The following SYCP2L variants were observed in gnomAD, a reference collection of about 807,000 sequenced individuals.
SYCP2L encodes the protein synaptonemal complex protein 2 like, also known as synaptonemal complex protein 2-like.
In SYCP2L, 98 loss-of-function variants were observed where a neutral mutation model predicts 125.8. The observed-to-expected ratio is 0.78, with a 90% CI of 0.66 to 0.92. SYCP2L has a LOEUF of 0.92. Among genes scored for constraint, SYCP2L ranks in the 40% least tolerant of loss-of-function variants. The pLI is 0.00. For missense variants in SYCP2L, 842 were observed against 936.4 expected (o/e 0.90, Z 1.32); for synonymous variants, 317 against 325.4 (o/e 0.97, Z 0.28).
chr6:10,920,557 G>A (rs1173658210), intron 14 of SYCP2L, among the ~76,000 whole-genome samples: 1 of 152,182 alleles, frequency 6.6e-6, no homozygotes, highest in Non-Finnish European at 1.5e-5. Context: ...AGATGAGCTT[G>A]CAGCACAGAG....
intron 6 of SYCP2L, among the ~76,000 whole-genome samples, chr6:10,899,122 A>G (rs1259376424): frequency 6.6e-6 from 1 of 152,230 alleles, no homozygotes; most frequent in Non-Finnish European, 1.5e-5. Context: ...TCATTCAAAT[A>G]TGCAAAAATT....
At chr6:10,914,132 C>A (rs1447670751) in intron 14 of SYCP2L, among the ~76,000 whole-genome samples, 4 of 152,130 alleles carry the variant, frequency 2.6e-5, no homozygotes, top group Admixed American at 2.6e-4. Flanking sequence ...CGTGCCCATT[C>A]TTCTAGAATT....
intron 29 of SYCP2L, among the ~76,000 whole-genome samples, chr6:10,968,786 G>A (rs1421805693): frequency 6.6e-6 from 1 of 152,154 alleles, no homozygotes; most frequent in East Asian, 1.9e-4. Context: ...TCTTTCAGCA[G>A]CTACTAAAGC....
intron 8 of SYCP2L, among the ~76,000 whole-genome samples, chr6:10,903,230 C>T (rs971608116): frequency 6.6e-6 from 1 of 152,038 alleles, no homozygotes; most frequent in Non-Finnish European, 1.5e-5. Flanking sequence ...GTCAGGAGAT[C>T]GAGACCATCC....
intron 12 of SYCP2L, among the ~76,000 whole-genome samples, chr6:10,911,459 G>A (rs922205650): frequency 6.6e-6 from 1 of 152,148 alleles, no homozygotes; most frequent in African/African-American, 2.4e-5. Context: ...CCTGAACCCT[G>A]TCTTCAGAAT....
chr6:10,916,987 A>G (rs1780705241), intron 14 of SYCP2L, among the ~76,000 whole-genome samples: 1 of 152,204 alleles, frequency 6.6e-6, no homozygotes, highest in African/African-American at 2.4e-5. Flanking sequence ...GCAAGACTCC[A>G]TTTCAAAAAA....
intron 23 of SYCP2L, among the ~76,000 whole-genome samples, chr6:10,946,745 A>AAT (rs768771383): frequency 1.6e-4 from 24 of 151,906 alleles, no homozygotes; most frequent in East Asian, 1.2e-3. Flanking sequence ...TTCCCTCCTC[A>AAT]ATATATATAT....
chr6:10,971,678 A>G (rs1781777165), intron 29 of SYCP2L, among the ~76,000 whole-genome samples: 1 of 139,796 alleles, frequency 7.2e-6, no homozygotes, highest in Admixed American at 7.8e-5. Flanking sequence ...GTATACTTAT[A>G]TATGTTTTTG....
intron 21 of SYCP2L, among the ~76,000 whole-genome samples, chr6:10,936,927 C>T (rs1781108353): frequency 6.6e-6 from 1 of 152,172 alleles, no homozygotes; most frequent in Non-Finnish European, 1.5e-5. Flanking sequence ...CCCAACATTA[C>T]AGCACCTAAA....
At chr6:10,921,710 C>CT (rs879623432) in intron 14 of SYCP2L, among the ~76,000 whole-genome samples, 290 of 143,740 alleles carry the variant, frequency 2.0e-3, no homozygotes, top group East Asian at 3.8e-3. Flanking sequence ...CTTTGACCAC[C>CT]TTTTTTTTTT....
At chr6:10,937,512 C>G (rs1394845910) in intron 21 of SYCP2L, among the ~76,000 whole-genome samples, 9 of 151,984 alleles carry the variant, frequency 5.9e-5, no homozygotes. Flanking sequence ...CTTCACCCCT[C>G]AAGAAACTGA....
At chr6:10,955,997 A>G (rs1168786290) in intron 24 of SYCP2L, 139 bp from the exon 25 acceptor site, 2 of 632,456 alleles carry the variant, frequency 3.2e-6, no homozygotes, top group Admixed American at 5.6e-5. Flanking sequence ...GAGCGAGGTC[A>G]TGTCCAGGCA....
At chr6:10,896,566 G>T (rs554041328) in intron 4 of SYCP2L, among the ~76,000 whole-genome samples, 70 of 152,298 alleles carry the variant, frequency 4.6e-4, no homozygotes, top group African/African-American at 1.7e-3. Context: ...GTTCTGCTGC[G>T]TAGAGGGACA....
chr6:10,919,299 T>G (rs1303327027), intron 14 of SYCP2L, among the ~76,000 whole-genome samples: 1 of 152,192 alleles, frequency 6.6e-6, no homozygotes, highest in Non-Finnish European at 1.5e-5. Context: ...TCTTTTCCTA[T>G]GGTTGTGGCT....
At chr6:10,962,764 T>A (rs898716819) in intron 28 of SYCP2L, among the ~76,000 whole-genome samples, 1 of 152,228 alleles carries the variant, frequency 6.6e-6, no homozygotes, top group Non-Finnish European at 1.5e-5. Flanking sequence ...TGCAAATCTC[T>A]TTACTGTCTG....
At chr6:10,945,920 T>C (rs767041825) in intron 23 of SYCP2L, among the ~76,000 whole-genome samples, 2 of 152,194 alleles carry the variant, frequency 1.3e-5, no homozygotes, top group Non-Finnish European at 2.9e-5. Flanking sequence ...TTGAAGTCTG[T>C]TTATTTCGTT....
Position 10,946,401 on chromosome 6 carries a change from A to C in SYCP2L, c.1954+3655A>C, listed in dbSNP as rs187931332. Among the ~76,000 whole-genome samples the C allele has an allele frequency of 3.3e-4, 50 of 152,108 alleles. 1 individual carries two copies. Among genetic ancestry groups the C allele is most frequent in the Admixed American group, 3.1e-3 (47 of 15,276 alleles). On this transcript the variant is annotated intron_variant, in intron 23 of 29. Coordinates refer to ENST00000283141, the MANE Select transcript of SYCP2L (RefSeq NM_001040274.3). ...TAGTGTTACTTTTACATAATGTGTA[A>C]ATTTCTAAGCCTAAATTTAATTTAG...
intron 14 of SYCP2L, among the ~76,000 whole-genome samples, chr6:10,915,300 G>T (rs1780673694): frequency 6.6e-6 from 1 of 152,068 alleles, no homozygotes; most frequent in South Asian, 2.1e-4. Flanking sequence ...TACCAATTTG[G>T]ATGCCCTTTA....
At chr6:10,942,793 A>G (rs1191212037) in intron 23 of SYCP2L, 47 bp downstream of exon 23, 2 of 1,527,752 alleles carry the variant, frequency 1.3e-6, no homozygotes, top group Admixed American at 2.0e-5. Flanking sequence ...ATAAAATGAA[A>G]TTAATCTGAT....
Sources: allele counts gnomAD v4.1 joint callset (sites outside exome capture counted in the v4.1 genomes callset), GRCh38; gene constraint gnomAD v4.1.1; transcripts MANE v1.5; gene names NCBI Gene and HGNC (gene_info 2026-07-23, HGNC 2026-07-21).